Variants in OFD1 observed in about 807,000 individuals in gnomAD.
OFD1 encodes the protein centriole and centriolar satellite protein OFD1.
A neutral mutation model predicts 81.4 loss-of-function variants in OFD1; 12 were observed. The observed-to-expected ratio is 0.15, with a 90% CI of 0.09 to 0.24. The LOEUF is 0.24. OFD1 is among the 10% of genes least tolerant of loss of function. The pLI is 1.00. For missense variants in OFD1, 685 were observed against 733.9 expected (o/e 0.93, Z 0.77); for synonymous variants, 256 against 263.7 (o/e 0.97, Z 0.28).
Position 13,741,881 on chromosome X carries a change from G to A in OFD1, c.413-2534G>A, listed in dbSNP as rs140574111. On this transcript the variant is annotated intron_variant, in intron 5 of 22. Coordinates refer to ENST00000340096, the MANE Select transcript of OFD1 (RefSeq NM_003611.3). ...GAACAAGTCATAATGGTGGAATGTC[G>A]TAAGGTTGGTCAGTCAGTTAAGGCA... Among the ~76,000 whole-genome samples the A allele has an allele frequency of 2.0e-3, 220 of 111,843 alleles. 1 individual carries two copies. The highest frequency in any genetic ancestry group is 6.5e-3 in the African/African-American group (200 of 30,748).
intron 8 of OFD1, 99 bp downstream of exon 8, chrX:13,747,052 C>T (rs2047324162): frequency 3.8e-6 from 3 of 783,956 alleles, no homozygotes; most frequent in African/African-American, 4.1e-5. Flanking sequence ...TGGAACAAGG[C>T]CCCAGAAGAG....
intron 8 of OFD1, among the ~76,000 whole-genome samples, chrX:13,748,443 G>A: frequency 8.9e-6 from 1 of 112,225 alleles, no homozygotes; most frequent in South Asian, 3.7e-4. Context: ...ACCCATTTAG[G>A]CCTCATTCCT....
chrX:13,724,975 C>T, the OFD1 span, among the ~76,000 whole-genome samples: 41 of 113,347 alleles, frequency 3.6e-4, no homozygotes, highest in Non-Finnish European at 5.1e-4. Context: ...GCAGGTCCCA[C>T]GCCCACGGAG....
chrX:13,773,194 A>G (rs1332157214), downstream of OFD1: 2 of 371,023 alleles, frequency 5.4e-6, no homozygotes, highest in Admixed American at 4.9e-5. Flanking sequence ...AGCATGCTCT[A>G]CTAGTTGGCT....
chrX:13,731,205 TATC>T (rs770434638), upstream of OFD1, among the ~76,000 whole-genome samples: 2 of 112,261 alleles, frequency 1.8e-5, no homozygotes, highest in Non-Finnish European at 3.8e-5. Flanking sequence ...AAAAATGCCA[TATC>T]ATCCGCTAGG....
rs772474080 is a variant in OFD1, at chrX:13,757,738, A to G, written c.1490A>G (p.His497Arg). 2 of 1,208,960 alleles carry G rather than the reference A, an allele frequency of 1.7e-6. No individual in the cohort carries two copies. The highest frequency in any genetic ancestry group is 2.2e-6 in the Non-Finnish European group (2 of 894,918). ...GCCGAAAAGGCTATAGTGGTTGAGC[A>G]TGAGGAGTTCGAAAGCTGCAGGCAA... ...RKAEKAIVVE[H>R]EEFESCRQAL... The change falls in exon 14 of 23, where the codon CAT becomes CGT. Residue 497 changes from histidine to arginine, a missense_variant. This residue lies in a region of OFD1 where 414 missense variants were observed against 447.2 expected (regional missense o/e 0.93). Transcript: ENST00000340096.
At chrX:13,735,216 C>T (rs2046811057) in intron 1 of OFD1, 32 bp from the exon 2 acceptor site, 1 of 1,199,043 alleles carries the variant, frequency 8.3e-7, no homozygotes, top group Non-Finnish European at 1.1e-6. Context: ...CCCTCTGCCC[C>T]GCAGGTAACC....
At chrX:13,732,695 A>G (rs1321276337), upstream of OFD1, among the ~76,000 whole-genome samples, 1 of 112,948 alleles carries the variant, frequency 8.9e-6, no homozygotes, top group East Asian at 2.8e-4. Flanking sequence ...ACTAGAAACT[A>G]AGGGGTGGGT....
downstream of OFD1, among the ~76,000 whole-genome samples, chrX:13,769,643 AC>A (rs200483295): frequency 9.1e-6 from 1 of 110,402 alleles, no homozygotes; most frequent in Non-Finnish European, 1.9e-5. Flanking sequence ...TGGAATTTAA[AC>A]CCCCCCGTGT....
At chrX:13,716,382 TA>T in the OFD1 span, 1 of 729,927 alleles carries the variant, frequency 1.4e-6, no homozygotes, top group Non-Finnish European at 2.0e-6. Flanking sequence ...TTTTCCCCCC[TA>T]AAAAAAGAAA....
At position 13,767,861 on chromosome X, in the gene OFD1, A is replaced by G. The variant is rs769626830; in HGVS notation, c.2758-193A>G. On this transcript the variant is annotated intron_variant, in intron 20 of 22. Transcript: ENST00000340096. Reference sequence around the variant, plus strand: ...AGTCCAAAGCACAGGACACTTGCCAATTAATACCTTCCTTCATTGAGATGA... The same window carrying G: ...AGTCCAAAGCACAGGACACTTGCCAGTTAATACCTTCCTTCATTGAGATGA... 1.9e-5 allele frequency: 8 copies of G among 418,254 alleles called. No homozygotes were observed. The East Asian group carries it at 2.6e-4, about 14-fold the overall frequency. The allele number at this position is 418,254 out of a possible 1,213,427, so 34.5% of individuals were successfully genotyped here.
rs1217038119 is a variant in OFD1 at position 13,755,095 on chromosome X, C to T, written c.1130-56C>T. 41 of 878,263 alleles carry T rather than the reference C, an allele frequency of 4.7e-5. No individual in the cohort carries two copies. The East Asian group carries it at 5.6e-4, about 12-fold the overall frequency. 72.4% of individuals were successfully genotyped at this position (878,263 alleles called of 1,213,427 possible). ...CATACTGGCCATAAATATTAAATGG[C>T]TTTTGTATTCACTAGGAAAACATTA... On this transcript the variant is annotated intron_variant, in intron 11 of 22. Transcript: ENST00000340096.
At chrX:13,741,959 C>T (rs1157116659) in intron 5 of OFD1, among the ~76,000 whole-genome samples, 2 of 111,601 alleles carry the variant, frequency 1.8e-5, no homozygotes, top group African/African-American at 3.3e-5. Flanking sequence ...GCCATCTGGA[C>T]GTATATATGC....
Position 13,744,426 on chromosome X carries a change from C to T in OFD1, c.424C>T (p.His142Tyr), listed in dbSNP as rs774666203. The change falls in exon 6 of 23, where the codon CAT becomes TAT. Residue 142 changes from histidine (H) to tyrosine (Y), a missense_variant. Transcript: ENST00000340096. Reference sequence around the variant, plus strand: ...CATATGTTTTTTAGGTTTTCTTATGCATTTTTTAAAAGAATTGGCAGAATA... The same window carrying T: ...CATATGTTTTTTAGGTTTTCTTATGTATTTTTTAAAAGAATTGGCAGAATA... ...DKENQKGFLM[H>Y]FLKELAEYHQ... The T allele has an allele frequency of 3.4e-6, 4 of 1,160,229 alleles. No homozygotes were observed. Among genetic ancestry groups the T allele is most frequent in the Non-Finnish European group, 4.7e-6 (4 of 849,993 alleles).
the OFD1 span, among the ~76,000 whole-genome samples, chrX:13,728,855 T>C: frequency 8.9e-6 from 1 of 112,036 alleles, no homozygotes; most frequent in African/African-American, 3.2e-5. Context: ...GAAAACCCCA[T>C]GGTCTCAGTC....
chrX:13,734,744 C>CT, upstream of OFD1: 2 of 1,028,495 alleles, frequency 1.9e-6, no homozygotes, highest in Non-Finnish European at 2.5e-6. Flanking sequence ...CCGGAAGTTG[C>CT]CGGACTGGCT....
At chrX:13,758,948 A>G (rs890807037) in intron 15 of OFD1, among the ~76,000 whole-genome samples, 2 of 111,261 alleles carry the variant, frequency 1.8e-5, no homozygotes, top group Non-Finnish European at 3.8e-5. Context: ...CTCATTTGTA[A>G]TGGGGATAAT....
downstream of OFD1, among the ~76,000 whole-genome samples, chrX:13,769,932 C>T (rs369732076): frequency 2.7e-5 from 3 of 112,317 alleles, no homozygotes; most frequent in East Asian, 5.6e-4. Flanking sequence ...GTTACCCAGT[C>T]TAAGGTATTT....
At chrX:13,754,590 TAGAG>T (rs750637584) in intron 11 of OFD1, among the ~76,000 whole-genome samples, 218 of 109,762 alleles carry the variant, frequency 2.0e-3, no homozygotes, top group Non-Finnish European at 1.7e-3. Context: ...CTAATTTTTG[TAGAG>T]AGAGAGTTTC....
Sources: gnomAD v4.1 joint callset for allele counts (sites outside exome capture counted in the v4.1 genomes callset) on GRCh38, gnomAD v4.1.1 for gene constraint, gnomAD v4.1.1 regional missense constraint, MANE v1.5 for transcripts, NCBI Gene and HGNC (gene_info 2026-07-23, HGNC 2026-07-21) for gene names.